GATAD2A: variants seen among roughly 807,000 people sequenced by gnomAD.
The protein encoded by GATAD2A is transcriptional repressor p66-alpha.
Under a neutral mutation model 68.5 loss-of-function variants are expected in GATAD2A, and 12 were observed. The ratio of observed to expected loss-of-function variants is 0.18; its 90% CI spans 0.11 to 0.28. GATAD2A has a LOEUF of 0.28. GATAD2A is among the 10% of genes least tolerant of loss of function. The pLI is 1.00. For synonymous variants in GATAD2A, 410 were observed against 375.3 expected, an observed-to-expected ratio of 1.09 and a Z score of -1.07; for missense variants, 755 against 868.5, an observed-to-expected ratio of 0.87 and a Z score of 1.64.
intron 5 of GATAD2A, among the ~76,000 whole-genome samples, 172 bp downstream of exon 5, chr19:19,494,555 C>T (rs1432169980): frequency 2.0e-5 from 3 of 152,230 alleles, no homozygotes; most frequent in East Asian, 1.9e-4. Flanking sequence ...AAGAAGCACA[C>T]GTGCACTTTC....
chr19:19,461,970 C>T (rs1043983054), intron 1 of GATAD2A, among the ~76,000 whole-genome samples: 3 of 152,220 alleles, frequency 2.0e-5, no homozygotes, highest in African/African-American at 7.2e-5. Flanking sequence ...TGGCAGCTCC[C>T]GCACAACCCT....
At chr19:19,392,766 G>T (rs1386893910) in intron 1 of GATAD2A, among the ~76,000 whole-genome samples, 4 of 145,744 alleles carry the variant, frequency 2.7e-5, no homozygotes, top group Non-Finnish European at 6.0e-5. Context: ...GCACAATCTT[G>T]GCTCACTGCA....
At position 19,506,230 on chromosome 19, in the gene GATAD2A, C is replaced by T; in HGVS notation, c.*756C>T. 1 of 398,664 alleles carries T rather than the reference C, an allele frequency of 2.5e-6. No individual in the cohort carries two copies. Among genetic ancestry groups the T allele is most frequent in the Non-Finnish European group, 4.4e-6 (1 of 225,960 alleles). The allele number at this position is 398,664 out of a possible 1,614,324, so 24.7% of individuals were successfully genotyped here. A position where few individuals can be genotyped will look rare whatever the true frequency, so the allele number is the denominator to read the frequency against. On this transcript the variant is annotated 3_prime_UTR_variant, in exon 12 of 12. Coordinates refer to ENST00000683918, the MANE Select transcript of GATAD2A (RefSeq NM_001384528.1). ...GTTCTGGAGACCCCCGCCCCCGCAC[C>T]TTCCAGACTTAGCAGAAGAACAAAC...
At chr19:19,479,599 CAG>C (rs2058911348) in intron 2 of GATAD2A, among the ~76,000 whole-genome samples, 1 of 152,318 alleles carries the variant, frequency 6.6e-6, no homozygotes, top group African/African-American at 2.4e-5. Flanking sequence ...TGGGATTTGT[CAG>C]ATGCTTTTCT....
At chr19:19,436,186 C>T (rs756252419) in intron 1 of GATAD2A, 8 of 1,366,140 alleles carry the variant, frequency 5.9e-6, no homozygotes, top group African/African-American at 1.5e-5. Context: ...CCATGGCCAA[C>T]TGGTAGGACC....
chr19:19,436,157 C>T, intron 1 of GATAD2A: 2 of 1,366,194 alleles, frequency 1.5e-6, no homozygotes, highest in Non-Finnish European at 2.0e-6. Flanking sequence ...TCTCAAGTAG[C>T]CTTTTGATGT....
chr19:19,490,347 A>G (rs754249351), intron 2 of GATAD2A, among the ~76,000 whole-genome samples: 4 of 151,728 alleles, frequency 2.6e-5, no homozygotes, highest in Non-Finnish European at 2.9e-5. Context: ...CTCTGTGTCT[A>G]CCCTTCCCTG....
chr19:19,500,805 G>A (rs2060476311), intron 8 of GATAD2A, among the ~76,000 whole-genome samples: 1 of 152,244 alleles, frequency 6.6e-6, no homozygotes, highest in African/African-American at 2.4e-5. Context: ...AGCACTTGCT[G>A]GGTGACTTGC....
intron 1 of GATAD2A, among the ~76,000 whole-genome samples, chr19:19,452,158 G>T (rs1370382162): frequency 6.6e-6 from 1 of 152,216 alleles, no homozygotes; most frequent in Non-Finnish European, 1.5e-5. Context: ...GGAGGTGTCT[G>T]TCTGCTGTCC....
intron 2 of GATAD2A, among the ~76,000 whole-genome samples, chr19:19,465,898 C>T (rs2057829462): frequency 6.6e-6 from 1 of 152,266 alleles, no homozygotes; most frequent in Admixed American, 6.5e-5. Context: ...GCCACCCACG[C>T]ACCTGCTGTC....
In GATAD2A at chr19:19,493,129, CG is replaced by C. The variant is rs556842524; in HGVS notation, c.534+421del. Among the ~76,000 whole-genome samples, 798 of 152,154 alleles carry C rather than the reference CG, an allele frequency of 5.2e-3. 4 individuals are homozygous for C. The highest frequency in any genetic ancestry group is 9.0e-3 in the Non-Finnish European group (615 of 67,984). On this transcript the variant is annotated intron_variant, in intron 4 of 11. Coordinates refer to ENST00000683918, the MANE Select transcript of GATAD2A (RefSeq NM_001384528.1). ...CTAATTTTTGTGTTTTTAGTGGAGA[CG>C]GGGTTTCACCACATTGGCCAGGATG...
chr19:19,444,084 T>C lies in GATAD2A; in HGVS notation c.-6-21256T>C, dbSNP rs573594368. On this transcript the variant is annotated intron_variant, in intron 1 of 11. Coordinates refer to ENST00000683918, the MANE Select transcript of GATAD2A (RefSeq NM_001384528.1). ...GAGGCCCTTGTGGGTGAATCAGGCT[T>C]TCTGGCTTTGACTGGACAGCTAAGG... Among the ~76,000 whole-genome samples, 5 of 152,234 alleles carry C rather than the reference T, an allele frequency of 3.3e-5. No individual in the cohort carries two copies. In the South Asian group the frequency reaches 1.0e-3, roughly 32 times the overall value.
rs182042055 is a variant in GATAD2A, at chr19:19,413,514, C to G, written c.-7+7495C>G. Among the ~76,000 whole-genome samples the G allele has an allele frequency of 1.5e-4, 23 of 152,282 alleles. No homozygotes were observed. The East Asian group carries it at 4.2e-3, about 28-fold the overall frequency. On this transcript the variant is annotated intron_variant, in intron 1 of 11. Coordinates refer to ENST00000683918, the MANE Select transcript of GATAD2A (RefSeq NM_001384528.1). Reference sequence around the variant, plus strand: ...TGGTTCTTTCAGAGGATTCTGTAGTCAGCTCCTTTCCTAGGGTTCTCTTAT... The same window carrying G: ...TGGTTCTTTCAGAGGATTCTGTAGTGAGCTCCTTTCCTAGGGTTCTCTTAT...
chr19:19,498,336 A>AG, intron 7 of GATAD2A, 107 bp from the exon 8 acceptor site: 2 of 985,314 alleles, frequency 2.0e-6, no homozygotes, highest in Non-Finnish European at 3.0e-6. Context: ...GCCATCGTCA[A>AG]GGGTACTGGT....
At chr19:19,424,743 T>C (rs949457353) in intron 1 of GATAD2A, among the ~76,000 whole-genome samples, 7 of 152,184 alleles carry the variant, frequency 4.6e-5, no homozygotes, top group African/African-American at 1.4e-4. Flanking sequence ...GCGACTGTGC[T>C]GTGCATTGGT....
At chr19:19,503,934 T>C (rs913962896) in intron 11 of GATAD2A, among the ~76,000 whole-genome samples, 3 of 152,214 alleles carry the variant, frequency 2.0e-5, no homozygotes, top group African/African-American at 7.2e-5. Flanking sequence ...GGGCCAGACA[T>C]GCTGGCTCTC....
At chr19:19,492,169 A>AG in intron 2 of GATAD2A, 137 bp from the exon 3 acceptor site, 1 of 883,030 alleles carries the variant, frequency 1.1e-6, no homozygotes. Context: ...GCCATGGGGC[A>AG]GGGCAGGGGA....
At chr19:19,416,928 A>G in intron 1 of GATAD2A, among the ~76,000 whole-genome samples, 1 of 151,770 alleles carries the variant, frequency 6.6e-6, no homozygotes, top group East Asian at 1.9e-4. Flanking sequence ...TGCCTGGCTA[A>G]TTTTTGTATT....
At chr19:19,494,272 C>G (rs371854841) in intron 4 of GATAD2A, 22 bp from the exon 5 acceptor site, 2 of 1,516,618 alleles carry the variant, frequency 1.3e-6, no homozygotes, top group Admixed American at 1.7e-5. Flanking sequence ...CCCTCACCTC[C>G]TGGTGTCCTG....
Sources: allele counts gnomAD v4.1 joint callset (sites outside exome capture counted in the v4.1 genomes callset), GRCh38; gene constraint gnomAD v4.1.1; transcripts MANE v1.5; gene names NCBI Gene and HGNC (gene_info 2026-07-23, HGNC 2026-07-21).